The following GAS7 variants were observed in gnomAD, a reference collection of about 807,000 sequenced individuals.
GAS7 encodes the protein growth arrest-specific protein 7.
In GAS7, 28 loss-of-function variants were observed where a neutral mutation model predicts 71.1. The observed-to-expected ratio is 0.39, with a 90% CI of 0.29 to 0.54. GAS7 has a LOEUF of 0.54. GAS7 is among the 20% of genes least tolerant of loss of function. The probability of loss-of-function intolerance (pLI) is 0.62; values close to 1 mark genes in which losing one functional copy is unlikely to be tolerated. For missense variants in GAS7, 436 were observed against 627.8 expected (o/e 0.69, Z 3.27); for synonymous variants, 258 against 245.8 (o/e 1.05, Z -0.46).
chr17:9,992,298 A>C (rs1021875904), intron 2 of GAS7, among the ~76,000 whole-genome samples: 2 of 151,782 alleles, frequency 1.3e-5, no homozygotes, highest in Non-Finnish European at 2.9e-5. Context: ...CGGCTTTGAC[A>C]TGGGTCTTTG....
chr17:9,928,986 G>A (rs766880371), intron 9 of GAS7, among the ~76,000 whole-genome samples: 1 of 152,180 alleles, frequency 6.6e-6, no homozygotes, highest in Non-Finnish European at 1.5e-5. Context: ...TTGTAAATAT[G>A]TCCTACTATT....
At chr17:10,181,104 G>T (rs1028922481) in intron 1 of GAS7, among the ~76,000 whole-genome samples, 16 of 149,948 alleles carry the variant, frequency 1.1e-4, no homozygotes, top group Non-Finnish European at 2.2e-4. Flanking sequence ...GCTCACGCCT[G>T]TAATCCCAGC....
intron 1 of GAS7, among the ~76,000 whole-genome samples, chr17:10,142,785 T>C (rs901816142): frequency 1.6e-4 from 25 of 152,208 alleles, no homozygotes; most frequent in African/African-American, 6.0e-4. Context: ...GGTTGCAACC[T>C]TGATCCACCC....
chr17:10,112,916 A>G (rs530100023), intron 1 of GAS7, among the ~76,000 whole-genome samples: 1 of 152,254 alleles, frequency 6.6e-6, no homozygotes, highest in African/African-American at 2.4e-5. Context: ...AGAAAATTCA[A>G]GTGTTGCAAA....
At chr17:10,165,321 A>G (rs932468659) in intron 1 of GAS7, among the ~76,000 whole-genome samples, 2 of 151,644 alleles carry the variant, frequency 1.3e-5, no homozygotes, top group African/African-American at 4.8e-5. Flanking sequence ...AGAAAACAAA[A>G]GAAAAGTTTA....
chr17:9,968,832 T>A (rs1400772543), intron 4 of GAS7, among the ~76,000 whole-genome samples: 3 of 152,258 alleles, frequency 2.0e-5, no homozygotes, highest in Non-Finnish European at 4.4e-5. Context: ...AATATTATCA[T>A]CATGATCATC....
intron 1 of GAS7, among the ~76,000 whole-genome samples, chr17:10,186,138 T>A (rs1597842519): frequency 6.9e-6 from 1 of 145,764 alleles, no homozygotes; most frequent in African/African-American, 2.6e-5. Context: ...TTTTTTTTTT[T>A]AATAGAGACG....
chr17:10,179,261 G>A (rs748050262), intron 1 of GAS7, among the ~76,000 whole-genome samples: 10 of 151,912 alleles, frequency 6.6e-5, no homozygotes, highest in African/African-American at 1.7e-4. Context: ...GCTGGGAGGC[G>A]GATGTTGCAG....
intron 1 of GAS7, among the ~76,000 whole-genome samples, chr17:10,176,173 G>C (rs1404004323): frequency 6.6e-6 from 1 of 152,264 alleles, no homozygotes; most frequent in Non-Finnish European, 1.5e-5. Context: ...ATTAAAGCTT[G>C]TCTGGGCCAA....
intron 1 of GAS7, among the ~76,000 whole-genome samples, chr17:10,191,672 C>T (rs2074502417): frequency 6.7e-6 from 1 of 149,702 alleles, no homozygotes; most frequent in African/African-American, 2.5e-5. Flanking sequence ...GTCAGGAGTT[C>T]GAGACCAGCC....
chr17:10,195,303 C>T (rs1229080767), intron 1 of GAS7, among the ~76,000 whole-genome samples: 2 of 152,186 alleles, frequency 1.3e-5, no homozygotes, highest in African/African-American at 2.4e-5. Context: ...TCCCCTCCCC[C>T]GTGTATGCTT....
At chr17:10,078,571 AC>A (rs1442417301) in intron 1 of GAS7, among the ~76,000 whole-genome samples, 3 of 152,208 alleles carry the variant, frequency 2.0e-5, no homozygotes, top group East Asian at 1.9e-4. Context: ...AATAATATAA[AC>A]ACCAGACCCT....
intron 8 of GAS7, among the ~76,000 whole-genome samples, chr17:9,937,231 CTG>C (rs1380504846): frequency 6.6e-6 from 1 of 152,214 alleles, no homozygotes; most frequent in African/African-American, 2.4e-5. Context: ...GTGTTTGTCT[CTG>C]TGTTTGTCCG....
Position 10,042,292 on chromosome 17 carries a change from CA to C in GAS7, c.184-22396del, listed in dbSNP as rs58391348. ...CCTGGGTGACAGAGCGAGACTCCGT[CA>C]AAAAAAAAAAAAAAAAAAAAAAGAT... On this transcript the variant is annotated intron_variant, in intron 1 of 13. Coordinates refer to ENST00000432992, the MANE Select transcript of GAS7 (RefSeq NM_201433.2). Among the ~76,000 whole-genome samples, 357 of 95,576 alleles carry C rather than the reference CA, an allele frequency of 3.7e-3. 2 individuals are homozygous for C. Among genetic ancestry groups the C allele is most frequent in the South Asian group, 0.01 (28 of 2,684 alleles). The allele number at this position is 95,576 out of a possible 152,430, so 62.7% of individuals were successfully genotyped here.
At chr17:9,963,893 A>G (rs1172026046) in intron 4 of GAS7, among the ~76,000 whole-genome samples, 1 of 152,072 alleles carries the variant, frequency 6.6e-6, no homozygotes, top group East Asian at 1.9e-4. Flanking sequence ...ATTTGCATTT[A>G]AAACAGTAAG....
At position 10,116,828 on chromosome 17, in the gene GAS7, C is replaced by T. The variant is rs367885685; in HGVS notation, c.183+81380G>A. Among the ~76,000 whole-genome samples, 127 of 152,066 alleles carry T rather than the reference C, an allele frequency of 8.4e-4. 1 individual carries two copies. Among genetic ancestry groups the T allele is most frequent in the African/African-American group, 2.9e-3 (121 of 41,492 alleles). On this transcript the variant is annotated intron_variant, in intron 1 of 13. Transcript: ENST00000432992. ...ACATTCTAGCAGGGGAGATACACAA[C>T]CCACAACAAGCCAGACAGACAGGTC...
At chr17:9,992,562 C>CTT (rs59174282) in intron 2 of GAS7, among the ~76,000 whole-genome samples, 1 of 143,736 alleles carries the variant, frequency 7.0e-6, no homozygotes, top group African/African-American at 2.5e-5. Context: ...TTCCCAAAGT[C>CTT]TTTTTTTTTT....
intron 2 of GAS7, among the ~76,000 whole-genome samples, chr17:10,004,101 C>T (rs753699915): frequency 6.6e-6 from 1 of 152,168 alleles, no homozygotes; most frequent in Non-Finnish European, 1.5e-5. Flanking sequence ...CAGCACAATA[C>T]TCAGGCAGGA....
chr17:10,046,876 G>GGAAAAGAAAAGAAAAGAAAAGAAAA lies in GAS7; in HGVS notation c.184-27004_184-26980dup, dbSNP rs796639166. Among the ~76,000 whole-genome samples the GGAAAAGAAAAGAAAAGAAAAGAAAA allele has an allele frequency of 2.8e-3, 277 of 98,192 alleles. 10 individuals are homozygous for GGAAAAGAAAAGAAAAGAAAAGAAAA. Among genetic ancestry groups the GGAAAAGAAAAGAAAAGAAAAGAAAA allele is most frequent in the Middle Eastern group, 4.8e-3 (1 of 210 alleles). The allele number at this position is 98,192 out of a possible 152,430, so 64.4% of individuals were successfully genotyped here. ...AAAGAAAAGAAAAAAGAAAAGAAAA[G>GGAAAAGAAAAGAAAAGAAAAGAAAA]GAAAAGAAAAGAAAAGAAAAGAAAA... On this transcript the variant is annotated intron_variant, in intron 1 of 13. Transcript: ENST00000432992.
Sources: gnomAD v4.1 joint callset for allele counts (sites outside exome capture counted in the v4.1 genomes callset) on GRCh38, gnomAD v4.1.1 for gene constraint, MANE v1.5 for transcripts, NCBI Gene and HGNC (gene_info 2026-07-23, HGNC 2026-07-21) for gene names.